The following LOXL2 variants were observed in gnomAD, a reference collection of about 807,000 sequenced individuals.
LOXL2 encodes lysyl oxidase homolog 2.
LOXL2 carries 70 observed loss-of-function variants against 93.0 expected under a neutral mutation model. The observed-to-expected ratio is 0.75, with a 90% CI of 0.62 to 0.92. The LOEUF (loss-of-function observed/expected upper bound fraction) is 0.92, where lower values mean the gene tolerates loss of function less well. Among genes scored for constraint, LOXL2 ranks in the 40% least tolerant of loss-of-function variants. LOXL2 has a pLI of 0.00. For missense variants in LOXL2, 973 were observed against 1,054.9 expected (o/e 0.92, Z 1.08); for synonymous variants, 438 against 413.2 (o/e 1.06, Z -0.73).
chr8:23,309,229 C>T (rs191471169), intron 10 of LOXL2, among the ~76,000 whole-genome samples: 10 of 152,118 alleles, frequency 6.6e-5, no homozygotes, highest in African/African-American at 1.9e-4. Flanking sequence ...GTGATCCGCC[C>T]GCCTCGGCCT....
At chr8:23,338,443 C>T (rs1426715464) in intron 4 of LOXL2, among the ~76,000 whole-genome samples, 1 of 152,062 alleles carries the variant, frequency 6.6e-6, no homozygotes, top group Non-Finnish European at 1.5e-5. Context: ...GGTGGGGGGC[C>T]CTCGGGGGTT....
At position 23,372,507 on chromosome 8, in the gene LOXL2, C is replaced by T. The variant is rs1367267070; in HGVS notation, c.-83-4073G>A. On this transcript the variant is annotated intron_variant, in intron 1 of 13. Transcript: ENST00000389131. ...TGCTGGGATTACAGGTGTGAGCCAC[C>T]ACGCCCAGCCCAATCCAGCTTTATA... Among the ~76,000 whole-genome samples, 3 of 152,056 alleles carry T rather than the reference C, an allele frequency of 2.0e-5. No individual in the cohort carries two copies. The East Asian group carries it at 5.8e-4, about 29-fold the overall frequency.
rs1215752384 is a variant in LOXL2, at chr8:23,360,147, G to A, written c.474C>T (p.Cys158=). Residue 158 remains cysteine (C), a synonymous_variant, in exon 3 of 14, where the codon TGC becomes TGT. Coordinates refer to ENST00000389131, the MANE Select transcript of LOXL2 (RefSeq NM_002318.3). ...CKHTEDVGVV[C]SDKRIPGFKF... is the part of the protein sequence containing the mutation. ...TGAACCCAGGAATCCTTTTGTCGCT[G>A]CACACCACACCGACATCCTCCGTGT... The A allele has an allele frequency of 1.2e-6, 2 of 1,613,798 alleles. No individual in the cohort carries two copies. Among genetic ancestry groups the A allele is most frequent in the Non-Finnish European group, 1.7e-6 (2 of 1,179,724 alleles).
intron 1 of LOXL2, among the ~76,000 whole-genome samples, chr8:23,387,843 G>A (rs1445314906): frequency 6.6e-6 from 1 of 152,112 alleles, no homozygotes; most frequent in Non-Finnish European, 1.5e-5. Context: ...CCAGCTACTT[G>A]GGAGACTGAG....
chr8:23,348,895 A>C (rs968284498), intron 3 of LOXL2, among the ~76,000 whole-genome samples: 6 of 151,962 alleles, frequency 3.9e-5, no homozygotes, highest in African/African-American at 1.5e-4. Context: ...CAAAACAAAC[A>C]AACAAAAAAA....
chr8:23,340,909 G>T, intron 4 of LOXL2, 83 bp downstream of exon 4: 3 of 1,293,014 alleles, frequency 2.3e-6, no homozygotes, highest in Non-Finnish European at 3.4e-6. Flanking sequence ...GCCAAGGAAA[G>T]GCCACCACCA....
In LOXL2 at chr8:23,368,398, G is replaced by C. The variant is rs974295626; in HGVS notation, c.-47C>G. 7 of 1,532,960 alleles carry C rather than the reference G, an allele frequency of 4.6e-6. No individual in the cohort carries two copies. In the African/African-American group the frequency reaches 9.5e-5, roughly 21 times the overall value. The allele number at this position is 1,532,960 out of a possible 1,614,324, so 95.0% of individuals were successfully genotyped here. On this transcript the variant is annotated 5_prime_UTR_variant, in exon 2 of 14. Coordinates refer to ENST00000389131, the MANE Select transcript of LOXL2 (RefSeq NM_002318.3). ...CCCACGAAGGGGCCCTGCGCAGCTG[G>C]GAGGGACAGGCGGGGTACAGAAGCA...
At chr8:23,378,345 T>C (rs576877393) in intron 1 of LOXL2, among the ~76,000 whole-genome samples, 151 of 152,318 alleles carry the variant, frequency 9.9e-4, no homozygotes, top group Non-Finnish European at 1.6e-3. Flanking sequence ...GTGGGTAACC[T>C]GACCTTTCTC....
At chr8:23,330,218 C>A (rs1284965435) in intron 5 of LOXL2, among the ~76,000 whole-genome samples, 3 of 152,288 alleles carry the variant, frequency 2.0e-5, no homozygotes, top group Admixed American at 2.0e-4. Flanking sequence ...CCTGTAGTCC[C>A]AGCTACTCGG....
At chr8:23,332,386 TCATACAC>T in intron 5 of LOXL2, among the ~76,000 whole-genome samples, 1 of 79,954 alleles carries the variant, frequency 1.3e-5, no homozygotes, top group East Asian at 4.2e-4. Flanking sequence ...ACATACACAC[TCATACAC>T]ACACACTCAT....
chr8:23,364,274 C>T (rs1278097974), intron 2 of LOXL2: 1 of 152,168 alleles, frequency 6.6e-6, no homozygotes, highest in African/African-American at 2.4e-5. Flanking sequence ...CAGGGCGGTT[C>T]TAGGTACAAT....
At chr8:23,350,720 C>A (rs991163611) in intron 3 of LOXL2, among the ~76,000 whole-genome samples, 2 of 152,186 alleles carry the variant, frequency 1.3e-5, no homozygotes, top group African/African-American at 4.8e-5. Context: ...CATGCTGACA[C>A]CCCCAAAGGA....
rs138848052 is a variant in LOXL2 at position 23,389,178 on chromosome 8, G to A, written c.-84+14776C>T. Among the ~76,000 whole-genome samples the A allele has an allele frequency of 4.6e-3, 698 of 152,262 alleles. 4 individuals carry two copies. The highest frequency in any genetic ancestry group is 7.8e-3 in the Non-Finnish European group (532 of 68,014). On this transcript the variant is annotated intron_variant, in intron 1 of 13. Coordinates refer to ENST00000389131, the MANE Select transcript of LOXL2 (RefSeq NM_002318.3). ...AGCTAACAGAGGAAAAGAAGAAAAT[G>A]TAAAACTGGCCTTTCTAGGGTCCTT... is the stretch of plus-strand genomic sequence containing the variant.
Position 23,361,839 on chromosome 8 carries a change from A to AAAAACAAAAC in LOXL2, c.356-1584_356-1575dup, listed in dbSNP as rs559148835. Reference sequence around the variant, plus strand: ...TGGTGACAGAGCAAGACTCCGTCTCAAAAACAAAACAAAACAAAACAAAAC... The same window carrying AAAAACAAAAC: ...TGGTGACAGAGCAAGACTCCGTCTCAAAAACAAAACAAAACAAAACAAAACAAAACAAAAC... On this transcript the variant is annotated intron_variant, in intron 2 of 13. Coordinates refer to ENST00000389131, the MANE Select transcript of LOXL2 (RefSeq NM_002318.3). 4.3e-3 allele frequency among the ~76,000 whole-genome samples: 633 copies of AAAAACAAAAC among 147,108 alleles called. 25 individuals are homozygous for AAAAACAAAAC. The highest frequency in any genetic ancestry group is 0.04 in the Admixed American group (588 of 14,716).
At chr8:23,384,859 A>G (rs1302111455) in intron 1 of LOXL2, among the ~76,000 whole-genome samples, 1 of 152,194 alleles carries the variant, frequency 6.6e-6, no homozygotes, top group East Asian at 1.9e-4. Flanking sequence ...GGTTGCAGTG[A>G]GCCGAGATTA....
intron 4 of LOXL2, among the ~76,000 whole-genome samples, chr8:23,333,876 A>G (rs1464841704): frequency 2.0e-5 from 3 of 152,202 alleles, no homozygotes; most frequent in Non-Finnish European, 4.4e-5. Context: ...CCATTCTAGG[A>G]AAGAAAGGAC....
At chr8:23,356,590 A>G (rs1450330548) in intron 3 of LOXL2, among the ~76,000 whole-genome samples, 1 of 152,146 alleles carries the variant, frequency 6.6e-6, no homozygotes, top group African/African-American at 2.4e-5. Context: ...AGGCCCTTTC[A>G]TGACCTACTT....
In LOXL2 at chr8:23,379,648, C is replaced by T. The variant is rs576131035; in HGVS notation, c.-83-11214G>A. 2.4e-4 allele frequency among the ~76,000 whole-genome samples: 15 copies of T among 63,376 alleles called. No homozygotes were observed. The East Asian group carries it at 9.0e-3, about 38-fold the overall frequency. 41.6% of individuals were successfully genotyped at this position (63,376 alleles called of 152,430 possible). ...GCCTCAGCAATGGCGGGCGCCCCTCCCCCAGCCGCCTTGCTGCCTCCTTGC... is the reference window on the plus strand; with the variant it reads ...GCCTCAGCAATGGCGGGCGCCCCTCTCCCAGCCGCCTTGCTGCCTCCTTGC... On this transcript the variant is annotated intron_variant, in intron 1 of 13. Transcript: ENST00000389131.
intron 4 of LOXL2, among the ~76,000 whole-genome samples, chr8:23,338,251 A>G (rs959710999): frequency 5.9e-5 from 9 of 152,192 alleles, no homozygotes; most frequent in African/African-American, 1.2e-4. Context: ...GGGAGCCACA[A>G]TTCAAGATGA....
Sources: gnomAD v4.1 joint callset for allele counts (sites outside exome capture counted in the v4.1 genomes callset) on GRCh38, gnomAD v4.1.1 for gene constraint, MANE v1.5 for transcripts, NCBI Gene and HGNC (gene_info 2026-07-23, HGNC 2026-07-21) for gene names.